Variants in PTPRM observed in about 807,000 individuals in gnomAD.
PTPRM encodes the protein receptor-type tyrosine-protein phosphatase mu.
In PTPRM, 47 loss-of-function variants were observed where a neutral mutation model predicts 186.7. The ratio of observed to expected loss-of-function variants is 0.25; its 90% confidence interval spans 0.20 to 0.32. The LOEUF (loss-of-function observed/expected upper bound fraction) is 0.32. PTPRM is among the 10% of genes least tolerant of loss of function. PTPRM has a pLI of 1.00. For synonymous variants in PTPRM, 668 were observed against 674.9 expected, an observed-to-expected ratio of 0.99 and a Z score of 0.16; for missense variants, 1,494 against 1,865.0, an observed-to-expected ratio of 0.80 and a Z score of 3.66.
chr18:8,155,103 A>G (rs1345053698), intron 14 of PTPRM: 1 of 148,360 alleles, frequency 6.7e-6, no homozygotes, highest in Non-Finnish European at 1.5e-5. Flanking sequence ...ATATAAAATA[A>G]CTTGAATAGG....
intron 23 of PTPRM, among the ~76,000 whole-genome samples, chr18:8,359,815 T>G (rs8089827): frequency 1.3e-5 from 2 of 152,126 alleles, no homozygotes; most frequent in African/African-American, 4.8e-5. Flanking sequence ...GCTGCAATAG[T>G]CTGCCTTCCT....
intron 2 of PTPRM, among the ~76,000 whole-genome samples, chr18:7,880,584 C>T (rs2048457442): frequency 6.6e-6 from 1 of 152,212 alleles, no homozygotes; most frequent in Non-Finnish European, 1.5e-5. Flanking sequence ...AGCTTGGAGA[C>T]TGTGGTTTCA....
intron 1 of PTPRM, among the ~76,000 whole-genome samples, chr18:7,701,928 C>T (rs1227496456): frequency 3.9e-5 from 6 of 152,014 alleles, no homozygotes; most frequent in African/African-American, 1.2e-4. Context: ...GTTCAACTCC[C>T]GTTTATGAGA....
intron 13 of PTPRM, among the ~76,000 whole-genome samples, chr18:8,137,866 TGGAC>T (rs2092674296): frequency 6.6e-6 from 1 of 152,128 alleles, no homozygotes; most frequent in South Asian, 2.1e-4. Flanking sequence ...CTTCCCCAGC[TGGAC>T]TCTGTAGCTT....
chr18:7,900,775 T>A (rs751691466), intron 3 of PTPRM, among the ~76,000 whole-genome samples: 3 of 152,230 alleles, frequency 2.0e-5, no homozygotes, highest in Non-Finnish European at 4.4e-5. Flanking sequence ...CTACCTCACA[T>A]AATTGATGGG....
intron 2 of PTPRM, among the ~76,000 whole-genome samples, chr18:7,845,701 T>C (rs1003460888): frequency 6.6e-6 from 1 of 152,198 alleles, no homozygotes; most frequent in Non-Finnish European, 1.5e-5. Context: ...CGTATTTCAA[T>C]GGAGGAAATT....
At chr18:7,755,233 T>TG (rs2041420441) in intron 1 of PTPRM, 1 of 149,254 alleles carries the variant, frequency 6.7e-6, no homozygotes, top group Admixed American at 6.6e-5. Flanking sequence ...AGAGACTGCC[T>TG]GAAAAAAAAA....
intron 9 of PTPRM, among the ~76,000 whole-genome samples, chr18:8,083,288 G>A (rs1463440123): frequency 1.3e-5 from 2 of 152,148 alleles, no homozygotes; most frequent in Non-Finnish European, 2.9e-5. Flanking sequence ...ATCTTGGGGT[G>A]CAAAGCACTG....
intron 7 of PTPRM, among the ~76,000 whole-genome samples, chr18:8,002,937 C>T (rs1167685537): frequency 3.3e-5 from 5 of 151,944 alleles, no homozygotes; most frequent in Admixed American, 6.6e-5. Flanking sequence ...CCAAATGTTT[C>T]GTTTTGATTA....
chr18:7,742,612 G>A (rs975934674), intron 1 of PTPRM, among the ~76,000 whole-genome samples: 11 of 152,184 alleles, frequency 7.2e-5, no homozygotes, highest in African/African-American at 2.7e-4. Flanking sequence ...GCTGAGGTGG[G>A]AGGATCACTT....
rs10164169 is a variant in PTPRM, at chr18:7,859,953, G to T, written c.197-28153G>T. On this transcript the variant is annotated intron_variant, in intron 2 of 32. Transcript: ENST00000580170. Reference sequence around the variant, plus strand: ...AGGCTCCATTTTCCAGAGAACCCAGGCAAAAGTACAAGTGGAGGGCTAGTA... The same window carrying T: ...AGGCTCCATTTTCCAGAGAACCCAGTCAAAAGTACAAGTGGAGGGCTAGTA... 2.2e-3 allele frequency among the ~76,000 whole-genome samples: 336 copies of T among 152,242 alleles called. 1 individual carries two copies. Among genetic ancestry groups the T allele is most frequent in the African/African-American group, 7.7e-3 (321 of 41,526 alleles).
rs371376627 is a variant in PTPRM, at chr18:7,852,668, G to C, written c.197-35438G>C. On this transcript the variant is annotated intron_variant, in intron 2 of 32. Transcript: ENST00000580170. ...CCACTGCACTCCAGCCTGGGCGACAGAGCGAGACTCCCTCTCAAAAATAAA... is the reference window on the plus strand; with the variant it reads ...CCACTGCACTCCAGCCTGGGCGACACAGCGAGACTCCCTCTCAAAAATAAA... 2.4e-3 allele frequency among the ~76,000 whole-genome samples: 359 copies of C among 151,886 alleles called. 2 individuals carry two copies. Among genetic ancestry groups the C allele is most frequent in the African/African-American group, 8.4e-3 (346 of 41,302 alleles).
At chr18:7,648,965 G>A (rs1259887288) in intron 1 of PTPRM, among the ~76,000 whole-genome samples, 1 of 152,126 alleles carries the variant, frequency 6.6e-6, no homozygotes, top group Non-Finnish European at 1.5e-5. Flanking sequence ...CATAAGTTGA[G>A]AGGAGAAGTC....
chr18:8,178,824 G>C (rs1032103539), intron 14 of PTPRM, among the ~76,000 whole-genome samples: 3 of 123,972 alleles, frequency 2.4e-5, no homozygotes, highest in Non-Finnish European at 1.9e-5. Flanking sequence ...AATAAATTTG[G>C]CTTTGATGGA....
intron 19 of PTPRM, among the ~76,000 whole-genome samples, chr18:8,292,256 G>A (rs756996994): frequency 3.9e-5 from 6 of 152,132 alleles, no homozygotes; most frequent in Non-Finnish European, 7.3e-5. Flanking sequence ...TATCTTGAAC[G>A]TATATGCTAG....
chr18:7,926,516 A>G (rs771147306), intron 4 of PTPRM, 52 bp from the exon 5 acceptor site: 3 of 1,403,174 alleles, frequency 2.1e-6, no homozygotes, highest in Non-Finnish European at 2.9e-6. Context: ...GAAGACATAT[A>G]TTAGTTACAA....
chr18:7,787,233 C>G (rs2043135201), intron 2 of PTPRM, among the ~76,000 whole-genome samples: 2 of 152,152 alleles, frequency 1.3e-5, no homozygotes, highest in African/African-American at 2.4e-5. Flanking sequence ...TAGTATCTCT[C>G]CCCATGTTGC....
At chr18:8,083,605 T>TA (rs1166863192) in intron 9 of PTPRM, among the ~76,000 whole-genome samples, 1 of 152,168 alleles carries the variant, frequency 6.6e-6, no homozygotes, top group Admixed American at 6.6e-5. Context: ...TTCATTTACT[T>TA]ACTGTATGCC....
At chr18:7,661,681 C>T (rs912745594) in intron 1 of PTPRM, among the ~76,000 whole-genome samples, 1 of 152,168 alleles carries the variant, frequency 6.6e-6, no homozygotes, top group Non-Finnish European at 1.5e-5. Flanking sequence ...CATGTTTCTG[C>T]TACAAACATG....
Sources: allele counts gnomAD v4.1 joint callset (sites outside exome capture counted in the v4.1 genomes callset), GRCh38; gene constraint gnomAD v4.1.1; transcripts MANE v1.5; gene names NCBI Gene and HGNC (gene_info 2026-07-23, HGNC 2026-07-21).